The following ZNF804B variants were observed in gnomAD, a reference collection of about 807,000 sequenced individuals.
ZNF804B encodes zinc finger protein 804B.
ZNF804B carries 80 observed loss-of-function variants against 101.4 expected under a neutral mutation model. The ratio of observed to expected loss-of-function variants is 0.79; its 90% CI spans 0.66 to 0.95. The LOEUF is 0.95. ZNF804B is among the 40% of genes least tolerant of loss of function. The pLI, the probability that ZNF804B is intolerant of heterozygous loss-of-function variation, is 0.00. For missense variants in ZNF804B, 1,673 were observed against 1,561.9 expected, an observed-to-expected ratio of 1.07 and a Z score of -1.20; for synonymous variants, 622 against 558.8, an observed-to-expected ratio of 1.11 and a Z score of -1.59.
intron 1 of ZNF804B, among the ~76,000 whole-genome samples, chr7:89,053,475 T>C (rs1331471255): frequency 6.6e-6 from 1 of 152,128 alleles, no homozygotes; most frequent in Non-Finnish European, 1.5e-5. Context: ...GAACTTCAAG[T>C]CAATATTAAT....
chr7:88,955,709 A>G (rs943838947), intron 1 of ZNF804B, among the ~76,000 whole-genome samples: 2 of 151,564 alleles, frequency 1.3e-5, no homozygotes, highest in African/African-American at 4.8e-5. Flanking sequence ...TGTGGCTAAG[A>G]CCTGGGAAAC....
chr7:89,259,651 G>C (rs185505613), intron 2 of ZNF804B, among the ~76,000 whole-genome samples: 2 of 152,246 alleles, frequency 1.3e-5, no homozygotes, highest in Non-Finnish European at 2.9e-5. Flanking sequence ...TGCCTTCAAT[G>C]TTGAGCTCAT....
rs557421202 is a variant in ZNF804B at position 89,255,040 on chromosome 7, A to C, written c.249+36745A>C. Among the ~76,000 whole-genome samples the C allele has an allele frequency of 5.3e-5, 8 of 152,336 alleles. No homozygotes were observed. In the East Asian group the frequency reaches 1.5e-3, roughly 29 times the overall value. On this transcript the variant is annotated intron_variant, in intron 2 of 3. Coordinates refer to ENST00000333190, the MANE Select transcript of ZNF804B (RefSeq NM_181646.5). ...TCACACTGCTATGAAGAAATAACTG[A>C]GACTGGCTACTTTATAAAGGAGACA...
intron 1 of ZNF804B, among the ~76,000 whole-genome samples, chr7:88,802,512 A>G (rs1398640184): frequency 6.6e-6 from 1 of 152,044 alleles, no homozygotes; most frequent in African/African-American, 2.4e-5. Context: ...AAAGAAAAAA[A>G]ACTACTCTGG....
At chr7:88,884,124 G>A (rs1416860844) in intron 1 of ZNF804B, among the ~76,000 whole-genome samples, 1 of 151,178 alleles carries the variant, frequency 6.6e-6, no homozygotes, top group African/African-American at 2.4e-5. Context: ...TGTCTATAAT[G>A]ATTTTATCTT....
chr7:89,208,431 T>C (rs1788750454), intron 1 of ZNF804B, among the ~76,000 whole-genome samples: 1 of 152,344 alleles, frequency 6.6e-6, no homozygotes, highest in Admixed American at 6.5e-5. Flanking sequence ...ACAGCCTTTA[T>C]AAACTTGTGC....
At chr7:89,265,303 C>CGTGT (rs1554386425) in intron 2 of ZNF804B, among the ~76,000 whole-genome samples, 2 of 135,886 alleles carry the variant, frequency 1.5e-5, no homozygotes, top group African/African-American at 5.0e-5. Context: ...TGCGCGTGCG[C>CGTGT]GCGCGCACAC....
Position 89,333,481 on chromosome 7 carries a change from C to T in ZNF804B, c.499C>T (p.Leu167Phe). The change falls in exon 4 of 4, where the codon CTC (leucine) becomes TTC (phenylalanine). Residue 167 changes from leucine (L) to phenylalanine (F), a missense_variant. Leu to Phe is a conservative substitution (Grantham distance 22). Coordinates refer to ENST00000333190, the MANE Select transcript of ZNF804B (RefSeq NM_181646.5). ...RKVSCMKSAL[L>F]LKGKNLPRII... ...GGTATCATGCATGAAGAGTGCTCTTCTCCTTAAAGGAAAAAATCTCCCCAG... is the reference window on the plus strand; with the variant it reads ...GGTATCATGCATGAAGAGTGCTCTTTTCCTTAAAGGAAAAAATCTCCCCAG... The T allele has an allele frequency of 1.9e-6, 3 of 1,613,324 alleles. No individual in the cohort carries two copies. The highest frequency in any genetic ancestry group is 2.5e-6 in the Non-Finnish European group (3 of 1,179,558).
chr7:88,891,707 C>CTTTGTTTTGT (rs769404126), intron 1 of ZNF804B, among the ~76,000 whole-genome samples: 137 of 149,652 alleles, frequency 9.2e-4, no homozygotes, highest in African/African-American at 3.2e-3. Flanking sequence ...CTCTACTAGT[C>CTTTGTTTTGT]TTTGTTTTGT....
chr7:88,771,152 A>C (rs747552244), intron 1 of ZNF804B, among the ~76,000 whole-genome samples: 10 of 152,078 alleles, frequency 6.6e-5, no homozygotes, highest in Non-Finnish European at 7.4e-5. Context: ...AAATCAAATC[A>C]TTTTAAGGGG....
chr7:89,128,540 TCTCATTAG>T (rs1293961901), intron 1 of ZNF804B, among the ~76,000 whole-genome samples: 2 of 151,960 alleles, frequency 1.3e-5, no homozygotes, highest in Non-Finnish European at 2.9e-5. Flanking sequence ...AAATGTGAAA[TCTCATTAG>T]CTCAGTCTGC....
intron 2 of ZNF804B, among the ~76,000 whole-genome samples, chr7:89,244,872 T>C (rs1789420623): frequency 6.6e-6 from 1 of 152,192 alleles, no homozygotes; most frequent in African/African-American, 2.4e-5. Flanking sequence ...AGCAGAGTTT[T>C]AGTATAATTC....
intron 1 of ZNF804B, among the ~76,000 whole-genome samples, chr7:89,107,138 G>T (rs1790147554): frequency 6.6e-6 from 1 of 152,078 alleles, no homozygotes; most frequent in South Asian, 2.1e-4. Flanking sequence ...TTACATATTA[G>T]TTAATAAGTA....
chr7:88,912,053 A>G (rs551357346), intron 1 of ZNF804B, among the ~76,000 whole-genome samples: 17 of 152,076 alleles, frequency 1.1e-4, no homozygotes, highest in African/African-American at 3.1e-4. Flanking sequence ...AATGTTTCCA[A>G]TGAGAAAATG....
At chr7:89,050,297 G>A (rs967992688) in intron 1 of ZNF804B, among the ~76,000 whole-genome samples, 1 of 151,738 alleles carries the variant, frequency 6.6e-6, no homozygotes, top group Non-Finnish European at 1.5e-5. Context: ...TCAGATGAAG[G>A]GATTATGGGT....
chr7:89,296,178 T>C (rs1790380345), intron 2 of ZNF804B, among the ~76,000 whole-genome samples: 1 of 152,062 alleles, frequency 6.6e-6, no homozygotes, highest in African/African-American at 2.4e-5. Flanking sequence ...CATACATAAA[T>C]ACATAAATAA....
At chr7:89,174,200 A>G (rs1048416096) in intron 1 of ZNF804B, among the ~76,000 whole-genome samples, 3 of 151,996 alleles carry the variant, frequency 2.0e-5, no homozygotes, top group East Asian at 1.9e-4. Context: ...CTAACTATAT[A>G]CTTTTCTGCC....
At chr7:89,255,572 A>C (rs957782928) in intron 2 of ZNF804B, among the ~76,000 whole-genome samples, 3 of 152,194 alleles carry the variant, frequency 2.0e-5, no homozygotes, top group Non-Finnish European at 4.4e-5. Flanking sequence ...TGAACAATAA[A>C]ATAAAATTGG....
At chr7:89,286,831 A>G (rs1015437333) in intron 2 of ZNF804B, among the ~76,000 whole-genome samples, 1 of 152,188 alleles carries the variant, frequency 6.6e-6, no homozygotes, top group Non-Finnish European at 1.5e-5. Context: ...AAATAAAAAT[A>G]TTTTTTAGAG....
Sources: gnomAD v4.1 joint callset for allele counts (sites outside exome capture counted in the v4.1 genomes callset) on GRCh38, gnomAD v4.1.1 for gene constraint, MANE v1.5 for transcripts, NCBI Gene and HGNC (gene_info 2026-07-23, HGNC 2026-07-21) for gene names.